TMEM267: variants seen among roughly 807,000 people sequenced by gnomAD.
The protein encoded by TMEM267 is transmembrane protein C5orf28.
Under a neutral mutation model 19.3 loss-of-function variants are expected in TMEM267, and 20 were observed. The observed-to-expected ratio is 1.04, with a 90% CI of 0.73 to 1.51. The LOEUF (loss-of-function observed/expected upper bound fraction) is 1.51, where lower values mean the gene tolerates loss of function less well. Among genes scored for constraint, TMEM267 ranks in the 40% most tolerant of loss-of-function variants. TMEM267 has a pLI of 0.00. For synonymous variants in TMEM267, 88 were observed against 90.3 expected (o/e 0.97, Z 0.15); for missense variants, 242 against 261.9 (o/e 0.92, Z 0.52).
In TMEM267 at chr5:43,445,179, G is replaced by T. The variant is rs1034268751; in HGVS notation, c.*1043C>A. On this transcript the variant is annotated 3_prime_UTR_variant, in exon 3 of 3. Transcript: ENST00000397080. ...TAAATTTTCCTTCTCTAATAAAGAG[G>T]AATCATTTTAATAGAAGATCAACCT... The T allele has an allele frequency of 1.3e-5, 2 of 151,850 alleles. No homozygotes were observed. The highest frequency in any genetic ancestry group is 4.8e-5 in the African/African-American group (2 of 41,340). The allele number at this position is 151,850 out of a possible 1,614,324, so 9.4% of individuals were successfully genotyped here.
intron 1 of TMEM267, among the ~76,000 whole-genome samples, chr5:43,471,086 T>C (rs563526556): frequency 6.6e-6 from 1 of 152,008 alleles, no homozygotes; most frequent in East Asian, 1.9e-4. Context: ...GATAAACAAC[T>C]TCAGTAAAGT....
At chr5:43,477,108 G>A (rs1249885507) in intron 1 of TMEM267, among the ~76,000 whole-genome samples, 2 of 151,602 alleles carry the variant, frequency 1.3e-5, no homozygotes, top group Non-Finnish European at 2.9e-5. Context: ...AGGATCACAT[G>A]CGTCTAGGAT....
At chr5:43,459,447 G>C (rs548212419) in intron 1 of TMEM267, among the ~76,000 whole-genome samples, 1 of 151,980 alleles carries the variant, frequency 6.6e-6, no homozygotes, top group African/African-American at 2.4e-5. Context: ...TGGGGCAAAA[G>C]AAAACATCAC....
chr5:43,473,007 G>A (rs1014043825), intron 1 of TMEM267, among the ~76,000 whole-genome samples: 12 of 151,818 alleles, frequency 7.9e-5, no homozygotes, highest in East Asian at 1.9e-4. Flanking sequence ...GTGTGGTGGC[G>A]TGCACCTGTA....
chr5:43,481,759 G>A lies in TMEM267; in HGVS notation c.-75+2063C>T, dbSNP rs1744785921. On this transcript the variant is annotated intron_variant, in intron 1 of 2. Transcript: ENST00000397080. Reference sequence around the variant, plus strand: ...CGCAGCCACTGCCGACATCCTGACTGCAACTTCATGAGACCCTGGGCCAGA... The same window carrying A: ...CGCAGCCACTGCCGACATCCTGACTACAACTTCATGAGACCCTGGGCCAGA... Among the ~76,000 whole-genome samples, 4 of 152,118 alleles carry A rather than the reference G, an allele frequency of 2.6e-5. No homozygotes were observed. The South Asian group carries it at 8.3e-4, about 32-fold the overall frequency.
At chr5:43,479,613 T>C (rs1282677073) in intron 1 of TMEM267, among the ~76,000 whole-genome samples, 1 of 112,294 alleles carries the variant, frequency 8.9e-6, no homozygotes, top group Non-Finnish European at 1.9e-5. Flanking sequence ...TTGTATAACA[T>C]AACAATTTGT....
At chr5:43,467,146 CAAA>C (rs70994698) in intron 1 of TMEM267, among the ~76,000 whole-genome samples, 26 of 48,998 alleles carry the variant, frequency 5.3e-4, no homozygotes, top group African/African-American at 1.7e-3. Context: ...GAGACTCTGT[CAAA>C]AAAAAAAAAA....
chr5:43,452,293 C>G (rs1487000924), intron 2 of TMEM267, among the ~76,000 whole-genome samples: 2 of 151,890 alleles, frequency 1.3e-5, no homozygotes, highest in Non-Finnish European at 2.9e-5. Flanking sequence ...GTGTCTTGTA[C>G]AGCAACATGG....
intron 1 of TMEM267, chr5:43,480,105 G>A (rs918741564): frequency 6.7e-5 from 17 of 253,374 alleles, no homozygotes; most frequent in South Asian, 5.9e-4. Flanking sequence ...GACTGAAACA[G>A]GGACACTGAA....
intron 1 of TMEM267, among the ~76,000 whole-genome samples, chr5:43,463,974 G>A (rs1322370192): frequency 1.3e-5 from 2 of 152,136 alleles, no homozygotes; most frequent in African/African-American, 4.8e-5. Flanking sequence ...GCAGGAGAAG[G>A]AAATAAAGGG....
intron 1 of TMEM267, among the ~76,000 whole-genome samples, chr5:43,460,763 G>C (rs1388920985): frequency 1.3e-5 from 2 of 152,170 alleles, no homozygotes; most frequent in Non-Finnish European, 2.9e-5. Context: ...AGCCACGGAG[G>C]GAGCATTTAA....
chr5:43,465,517 T>C (rs1199282575), intron 1 of TMEM267, among the ~76,000 whole-genome samples: 6 of 152,320 alleles, frequency 3.9e-5, no homozygotes, highest in South Asian at 2.1e-4. Flanking sequence ...TGTATGTTTA[T>C]TGCGGCACTA....
intron 1 of TMEM267, among the ~76,000 whole-genome samples, chr5:43,470,420 G>T (rs1743994095): frequency 6.6e-6 from 1 of 152,158 alleles, no homozygotes; most frequent in Non-Finnish European, 1.5e-5. Flanking sequence ...GGTACTACAG[G>T]TGTGAGCCAC....
At chr5:43,464,305 AG>A (rs2112118593) in intron 1 of TMEM267, among the ~76,000 whole-genome samples, 1 of 152,136 alleles carries the variant, frequency 6.6e-6, no homozygotes, top group African/African-American at 2.4e-5. Flanking sequence ...GAAATAAAAG[AG>A]GATACAAACA....
At chr5:43,473,474 A>G (rs1488536721) in intron 1 of TMEM267, among the ~76,000 whole-genome samples, 1 of 151,826 alleles carries the variant, frequency 6.6e-6, no homozygotes, top group Non-Finnish European at 1.5e-5. Flanking sequence ...AGACAAACAG[A>G]GAGCCAAATC....
chr5:43,473,471 CAGAG>C (rs560757523), intron 1 of TMEM267, among the ~76,000 whole-genome samples: 17 of 152,100 alleles, frequency 1.1e-4, no homozygotes, highest in African/African-American at 3.1e-4. Context: ...AACAGACAAA[CAGAG>C]AGCCAAATCA....
In TMEM267 at chr5:43,450,317, C is replaced by T. The variant is rs575199132; in HGVS notation, c.312+3341G>A. Among the ~76,000 whole-genome samples the T allele has an allele frequency of 4.0e-5, 6 of 151,898 alleles. No individual in the cohort carries two copies. In the South Asian group the frequency reaches 1.0e-3, roughly 26 times the overall value. ...TTTGATTTTTTTATTAATAGAAAAA[C>T]AATGAATAATGAAAGAAAATGGAAT... On this transcript the variant is annotated intron_variant, in intron 2 of 2. Transcript: ENST00000397080.
chr5:43,464,712 T>A (rs1743524154), intron 1 of TMEM267, among the ~76,000 whole-genome samples: 1 of 152,234 alleles, frequency 6.6e-6, no homozygotes, highest in South Asian at 2.1e-4. Context: ...GGGGAAGGAT[T>A]CCCTATTTAA....
chr5:43,454,092 T>C (rs1231074850), intron 1 of TMEM267, 49 bp from the exon 2 acceptor site: 3 of 1,273,588 alleles, frequency 2.4e-6, no homozygotes, highest in Non-Finnish European at 2.1e-6. Context: ...TGGACTACCA[T>C]ATAATATTTA....
Sources: allele counts gnomAD v4.1 joint callset (sites outside exome capture counted in the v4.1 genomes callset), GRCh38; gene constraint gnomAD v4.1.1; transcripts MANE v1.5; gene names NCBI Gene and HGNC (gene_info 2026-07-23, HGNC 2026-07-21).